PRR16: variants seen among roughly 807,000 people sequenced by gnomAD.
The protein encoded by PRR16 is proline rich 16.
PRR16 carries 6 observed loss-of-function variants against 18.2 expected under a neutral mutation model. The ratio of observed to expected loss-of-function variants is 0.33; its 90% CI spans 0.18 to 0.65. The LOEUF is 0.65. Among genes scored for constraint, PRR16 ranks in the 30% least tolerant of loss-of-function variants. The pLI is 0.74. For missense variants in PRR16, 412 were observed against 376.6 expected (o/e 1.09, Z -0.78); for synonymous variants, 151 against 147.8 (o/e 1.02, Z -0.16).
intron 1 of PRR16, among the ~76,000 whole-genome samples, chr5:120,659,252 G>T (rs570591167): frequency 1.3e-5 from 2 of 152,038 alleles, no homozygotes; most frequent in East Asian, 1.9e-4. Context: ...TTGTTGGCTA[G>T]ATTTCATTGT....
At chr5:120,707,542 T>C in the PRR16 span, among the ~76,000 whole-genome samples, 1 of 152,168 alleles carries the variant, frequency 6.6e-6, no homozygotes, top group African/African-American at 2.4e-5. Flanking sequence ...TAAAAACAGA[T>C]GACATTTTAA....
chr5:120,614,716 G>C (rs1328564735), intron 1 of PRR16, among the ~76,000 whole-genome samples: 1 of 152,192 alleles, frequency 6.6e-6, no homozygotes, highest in Middle Eastern at 3.2e-3. Context: ...TTTGGTAATA[G>C]TTTTTCCACT....
intron 1 of PRR16, among the ~76,000 whole-genome samples, chr5:120,608,320 C>T (rs953392013): frequency 1.3e-5 from 2 of 152,080 alleles, no homozygotes; most frequent in African/African-American, 4.8e-5. Flanking sequence ...TTATGTAAAA[C>T]AGATTTATTA....
chr5:120,700,485 A>G, the PRR16 span, among the ~76,000 whole-genome samples: 1 of 152,082 alleles, frequency 6.6e-6, no homozygotes, highest in Admixed American at 6.6e-5. Context: ...TAGATTGTGA[A>G]GAAGGGTGGC....
At chr5:120,694,397 A>C in the PRR16 span, among the ~76,000 whole-genome samples, 1 of 152,214 alleles carries the variant, frequency 6.6e-6, no homozygotes, top group Non-Finnish European at 1.5e-5. Context: ...AGCATGATAG[A>C]ATTCTGGCCG....
the PRR16 span, among the ~76,000 whole-genome samples, chr5:120,730,383 G>T: frequency 6.6e-6 from 1 of 152,094 alleles, no homozygotes; most frequent in Non-Finnish European, 1.5e-5. Context: ...ACAACTTGTG[G>T]AATATCCAGA....
intron 1 of PRR16, among the ~76,000 whole-genome samples, chr5:120,560,783 T>C (rs919202981): frequency 6.6e-6 from 1 of 152,068 alleles, no homozygotes; most frequent in African/African-American, 2.4e-5. Context: ...GGAGACTTTT[T>C]ATTATGGCTT....
intron 1 of PRR16, among the ~76,000 whole-genome samples, chr5:120,630,600 A>G (rs1038038532): frequency 6.6e-6 from 1 of 152,020 alleles, no homozygotes; most frequent in African/African-American, 2.4e-5. Flanking sequence ...TGCACCCAGA[A>G]TATGAGGAAA....
chr5:120,769,714 G>T, the PRR16 span, among the ~76,000 whole-genome samples: 1 of 151,796 alleles, frequency 6.6e-6, no homozygotes, highest in Non-Finnish European at 1.5e-5. Context: ...AATTCATTTG[G>T]ATATATGCCC....
chr5:120,654,176 C>T (rs1755888283), intron 1 of PRR16, among the ~76,000 whole-genome samples: 1 of 151,932 alleles, frequency 6.6e-6, no homozygotes, highest in Non-Finnish European at 1.5e-5. Flanking sequence ...TTTTTTGCTG[C>T]TTGGAATGCA....
chr5:120,692,853 C>G, the PRR16 span, among the ~76,000 whole-genome samples: 1 of 152,094 alleles, frequency 6.6e-6, no homozygotes, highest in East Asian at 1.9e-4. Flanking sequence ...TTTATTACAA[C>G]TTTTAACAAC....
chr5:120,624,971 C>G (rs1754816079), intron 1 of PRR16, among the ~76,000 whole-genome samples: 1 of 152,114 alleles, frequency 6.6e-6, no homozygotes, highest in Non-Finnish European at 1.5e-5. Flanking sequence ...GTGAGATGTG[C>G]CTTTCACCTG....
At chr5:120,579,213 C>T (rs1235588189) in intron 1 of PRR16, among the ~76,000 whole-genome samples, 1 of 152,104 alleles carries the variant, frequency 6.6e-6, no homozygotes, top group Non-Finnish European at 1.5e-5. Context: ...CTTGTTCACT[C>T]TGATGATAGT....
At chr5:120,539,617 A>G (rs535942441) in intron 1 of PRR16, among the ~76,000 whole-genome samples, 18 of 152,236 alleles carry the variant, frequency 1.2e-4, no homozygotes, top group Admixed American at 1.0e-3. Context: ...TGAGACATGC[A>G]ATTTACCCAT....
the PRR16 span, among the ~76,000 whole-genome samples, chr5:120,791,586 T>TCTAC: frequency 1.6e-5 from 1 of 64,280 alleles, no homozygotes; most frequent in African/African-American, 5.1e-5. Context: ...ACTTCTATCA[T>TCTAC]CTATCTATCT....
the PRR16 span, among the ~76,000 whole-genome samples, chr5:120,782,087 C>T: frequency 3.9e-5 from 6 of 152,132 alleles, no homozygotes; most frequent in Non-Finnish European, 8.8e-5. Context: ...TCTGTAGTGA[C>T]TCTTGAATGA....
the PRR16 span, among the ~76,000 whole-genome samples, chr5:120,754,425 TAATA>T: frequency 1.0e-5 from 1 of 100,216 alleles, no homozygotes; most frequent in East Asian, 2.8e-4. Context: ...ATATATTATA[TAATA>T]TATAGTATAT....
chr5:120,497,043 G>A (rs1750269536), intron 1 of PRR16, among the ~76,000 whole-genome samples: 1 of 152,140 alleles, frequency 6.6e-6, no homozygotes, highest in East Asian at 1.9e-4. Flanking sequence ...TTTCTAATTT[G>A]ATTCTATTGA....
chr5:120,783,436 G>A, the PRR16 span, among the ~76,000 whole-genome samples: 1 of 151,970 alleles, frequency 6.6e-6, no homozygotes, highest in Non-Finnish European at 1.5e-5. Context: ...AAAGTAGAAC[G>A]TACTAGATAG....
Sources: gnomAD v4.1 joint callset for allele counts (sites outside exome capture counted in the v4.1 genomes callset) on GRCh38, gnomAD v4.1.1 for gene constraint, MANE v1.5 for transcripts, NCBI Gene and HGNC (gene_info 2026-07-23, HGNC 2026-07-21) for gene names.